NTSR1: variants seen among roughly 807,000 people sequenced by gnomAD.
NTSR1 encodes neurotensin receptor type 1.
A neutral mutation model predicts 31.2 loss-of-function variants in NTSR1; 29 were observed. The ratio of observed to expected loss-of-function variants is 0.93; its 90% CI spans 0.69 to 1.27. The LOEUF (loss-of-function observed/expected upper bound fraction) is 1.27, where lower values mean the gene tolerates loss of function less well. Ranked by LOEUF, NTSR1 falls within the 50% of genes most tolerant of loss-of-function variation. The probability of loss-of-function intolerance (pLI) is 0.00; values close to 1 mark genes in which losing one functional copy is unlikely to be tolerated. For synonymous variants in NTSR1, 282 were observed against 269.9 expected, an observed-to-expected ratio of 1.04 and a Z score of -0.44; for missense variants, 697 against 595.4, an observed-to-expected ratio of 1.17 and a Z score of -1.78.
At chr20:62,720,706 C>A (rs1988815426) in intron 1 of NTSR1, among the ~76,000 whole-genome samples, 1 of 151,052 alleles carries the variant, frequency 6.6e-6, no homozygotes, top group Non-Finnish European at 1.5e-5. Flanking sequence ...CTCTTCTTTT[C>A]CTAGATTTCC....
chr20:62,724,688 TG>T (rs917571751), intron 1 of NTSR1, among the ~76,000 whole-genome samples: 18 of 152,278 alleles, frequency 1.2e-4, no homozygotes, highest in African/African-American at 4.3e-4. Context: ...ACTGGTCTCT[TG>T]GGGCTGCAGA....
At position 62,709,105 on chromosome 20, in the gene NTSR1, C is replaced by A; in HGVS notation, c.-103C>A. On this transcript the variant is annotated 5_prime_UTR_variant, in exon 1 of 4. Coordinates refer to ENST00000370501, the MANE Select transcript of NTSR1 (RefSeq NM_002531.3). ...CCGCTGGTCTTCGCCACGCGCCCTCCCCTGGGCTCCCGTTCATCGGTCCCC... is the reference window on the plus strand; with the variant it reads ...CCGCTGGTCTTCGCCACGCGCCCTCACCTGGGCTCCCGTTCATCGGTCCCC... 1 of 984,276 alleles carries A rather than the reference C, an allele frequency of 1.0e-6. No homozygotes were observed. Among genetic ancestry groups the A allele is most frequent in the South Asian group, 2.3e-5 (1 of 43,538 alleles). 61.0% of individuals were successfully genotyped at this position (984,276 alleles called of 1,614,324 possible). A position where few individuals can be genotyped will look rare whatever the true frequency, so the allele number is the denominator to read the frequency against.
Position 62,762,247 on chromosome 20 carries a change from G to A in NTSR1, c.*1980G>A, listed in dbSNP as rs1989638192. On this transcript the variant is annotated 3_prime_UTR_variant, in exon 4 of 4. Transcript: ENST00000370501. ...TCCTGGACCTTGGGCCATAATTTCTGAGCCTCGGTTTCCCCATCTAAGGAA... is the reference window on the plus strand; with the variant it reads ...TCCTGGACCTTGGGCCATAATTTCTAAGCCTCGGTTTCCCCATCTAAGGAA... 6.6e-6 allele frequency: 1 copy of A among 152,232 alleles called. No homozygotes were observed. The highest frequency in any genetic ancestry group is 1.5e-5 in the Non-Finnish European group (1 of 68,056). 9.4% of individuals were successfully genotyped at this position (152,232 alleles called of 1,614,324 possible).
chr20:62,756,969 A>G (rs1323737148), intron 2 of NTSR1, among the ~76,000 whole-genome samples: 1 of 151,802 alleles, frequency 6.6e-6, no homozygotes, highest in South Asian at 2.1e-4. Flanking sequence ...TAGGAGTTAT[A>G]CTCTCAAGGT....
rs74843526 is a variant in NTSR1 at position 62,741,961 on chromosome 20, C to T, written c.715-12724C>T. 0.025 allele frequency among the ~76,000 whole-genome samples: 3,762 copies of T among 149,400 alleles called. 425 individuals are homozygous for T. Among genetic ancestry groups the T allele is most frequent in the African/African-American group, 0.087 (3,490 of 39,936 alleles). ...AAAAGGAGCCTGACAGGAGCCTCTG[C>T]CTCACAGATGAGACCTGTGTGCCTG... On this transcript the variant is annotated intron_variant, in intron 1 of 3. Transcript: ENST00000370501. This position sits in a 1 kb window ranked among gnomAD's most constrained non-coding sequence, Gnocchi z 4.3.
At chr20:62,759,741 C>G (rs933528474) in intron 3 of NTSR1, among the ~76,000 whole-genome samples, 3 of 146,092 alleles carry the variant, frequency 2.1e-5, no homozygotes, top group South Asian at 2.2e-4. Context: ...CGCCACTGTA[C>G]TCCAGCCTGG....
rs746324764 is a variant in NTSR1, at chr20:62,760,315, T to C, written c.*48T>C. 2.6e-6 allele frequency: 4 copies of C among 1,555,026 alleles called. No individual in the cohort carries two copies. The highest frequency in any genetic ancestry group is 2.4e-5 in the South Asian group (2 of 83,324). ...CAGGAGGAGCCTGGCCATGGGTCCT[T>C]GCCCCCGACAGACAGAGCAGCCCCC... is the stretch of plus-strand genomic sequence containing the variant. On this transcript the variant is annotated 3_prime_UTR_variant, in exon 4 of 4. Coordinates refer to ENST00000370501, the MANE Select transcript of NTSR1 (RefSeq NM_002531.3).
chr20:62,710,317 G>T (rs534869016), intron 1 of NTSR1, among the ~76,000 whole-genome samples: 3 of 152,230 alleles, frequency 2.0e-5, no homozygotes, highest in African/African-American at 7.2e-5. Context: ...CCCCAGACTG[G>T]CTCTGCCGGT....
Position 62,709,491 on chromosome 20 carries a change from A to G in NTSR1, c.284A>G (p.Gln95Arg), listed in dbSNP as rs1988553326. 6.2e-7 allele frequency: 1 copy of G among 1,612,628 alleles called. No individual in the cohort carries two copies. ...AFTLARKKSL[Q>R]SLQSTVHYHL... ...ACGCTGGCGCGGAAGAAGTCGCTGC[A>G]GAGCCTGCAGAGCACGGTGCATTAC... Residue 95 changes from glutamine to arginine, a missense_variant, in exon 1 of 4, where the codon CAG (glutamine) becomes CGG (arginine). Physicochemically the swap from Gln to Arg is conservative, Grantham distance 43. Coordinates refer to ENST00000370501, the MANE Select transcript of NTSR1 (RefSeq NM_002531.3).
At chr20:62,720,662 A>T (rs1988814957) in intron 1 of NTSR1, among the ~76,000 whole-genome samples, 1 of 149,752 alleles carries the variant, frequency 6.7e-6, no homozygotes, top group African/African-American at 2.5e-5. Context: ...TTCTTTCTTC[A>T]TTTCCTTTTT....
In NTSR1 at chr20:62,709,866, G is replaced by A. The variant is rs1020376117; in HGVS notation, c.659G>A (p.Gly220Asp). 14 of 1,607,242 alleles carry A rather than the reference G, an allele frequency of 8.7e-6. No individual in the cohort carries two copies. Among genetic ancestry groups the A allele is most frequent in the Non-Finnish European group, 1.0e-5 (12 of 1,175,912 alleles). ...QNRSADGQHA[G>D]GLVCTPTIHT... ...CGCAGCGCCGACGGCCAGCACGCCGGCGGCCTGGTGTGCACCCCCACCATC... is the reference window on the plus strand; with the variant it reads ...CGCAGCGCCGACGGCCAGCACGCCGACGGCCTGGTGTGCACCCCCACCATC... The change falls in exon 1 of 4, where the codon GGC (glycine) becomes GAC (aspartate). Residue 220 changes from glycine (G) to aspartate (D), a missense_variant. Coordinates refer to ENST00000370501, the MANE Select transcript of NTSR1 (RefSeq NM_002531.3).
chr20:62,751,222 G>A lies in NTSR1; in HGVS notation c.715-3463G>A, dbSNP rs182550697. Among the ~76,000 whole-genome samples, 98 of 152,174 alleles carry A rather than the reference G, an allele frequency of 6.4e-4. 1 individual carries two copies. The highest frequency in any genetic ancestry group is 5.5e-3 in the Admixed American group (84 of 15,278). ...GTCAATTATCCCTCAATAAAGCTGG[G>A]GGAAAAGGTTAAAAATATATACATT... is the stretch of plus-strand genomic sequence containing the variant. On this transcript the variant is annotated intron_variant, in intron 1 of 3. Transcript: ENST00000370501.
In NTSR1 at chr20:62,744,045, T is replaced by G. The variant is rs1989251401; in HGVS notation, c.715-10640T>G. ...TCATTATCTAACCTTTCACTCCACCTCCGTCCTCCCCATCAAAATTACACA... is the reference window on the plus strand; with the variant it reads ...TCATTATCTAACCTTTCACTCCACCGCCGTCCTCCCCATCAAAATTACACA... On this transcript the variant is annotated intron_variant, in intron 1 of 3. Coordinates refer to ENST00000370501, the MANE Select transcript of NTSR1 (RefSeq NM_002531.3). The surrounding 1 kb of genome is among the most constrained non-coding windows in gnomAD (Gnocchi z 4.1). Among the ~76,000 whole-genome samples the G allele has an allele frequency of 6.6e-6, 1 of 152,010 alleles. No homozygotes were observed. Among genetic ancestry groups the G allele is most frequent in the Non-Finnish European group, 1.5e-5 (1 of 67,994 alleles).
intron 1 of NTSR1, among the ~76,000 whole-genome samples, chr20:62,724,993 T>A (rs1465724956): frequency 6.6e-6 from 1 of 152,214 alleles, no homozygotes; most frequent in Admixed American, 6.5e-5. Context: ...CACACTCTTT[T>A]CCCAAATAAG....
intron 1 of NTSR1, among the ~76,000 whole-genome samples, chr20:62,721,649 G>T (rs1028614926): frequency 2.6e-5 from 4 of 152,296 alleles, no homozygotes; most frequent in Admixed American, 1.3e-4. Flanking sequence ...AACTATAATT[G>T]TTTAGGTGTG....
chr20:62,758,446 C>T lies in NTSR1; in HGVS notation c.1007+90C>T, dbSNP rs1165744034. The T allele has an allele frequency of 2.6e-5, 31 of 1,204,122 alleles. No individual in the cohort carries two copies. The highest frequency in any genetic ancestry group is 3.3e-5 in the Non-Finnish European group (27 of 828,362). 74.6% of individuals were successfully genotyped at this position (1,204,122 alleles called of 1,614,324 possible). A position where few individuals can be genotyped will look rare whatever the true frequency, so the allele number is the denominator to read the frequency against. ...TGTGGCAGGCACTGCTGAGGGGATC[C>T]ACTCAGGGCAGGGGTGTGGTGAGTC... On this transcript the variant is annotated intron_variant, in intron 3 of 3. Transcript: ENST00000370501. This position sits in a 1 kb window ranked among gnomAD's most constrained non-coding sequence, Gnocchi z 4.5.
chr20:62,718,280 G>T (rs1988769672), intron 1 of NTSR1, among the ~76,000 whole-genome samples: 1 of 152,140 alleles, frequency 6.6e-6, no homozygotes, highest in Non-Finnish European at 1.5e-5. Context: ...ATGCATTTAG[G>T]GGTCAGAATG....
intron 1 of NTSR1, among the ~76,000 whole-genome samples, chr20:62,749,318 G>A (rs143570734): frequency 0.021 from 3,165 of 152,254 alleles, 115 homozygotes; most frequent in African/African-American, 0.071. Flanking sequence ...GCGGGCGCCT[G>A]TAGTCCCAGC....
rs1989607934 is a variant in NTSR1, at chr20:62,760,772, A to AGACCCTGCCG, written c.*505_*506insGACCCTGCCG. 6.5e-6 allele frequency: 1 copy of AGACCCTGCCG among 153,576 alleles called. No individual in the cohort carries two copies. Among genetic ancestry groups the AGACCCTGCCG allele is most frequent in the African/African-American group, 2.4e-5 (1 of 41,290 alleles). The allele number at this position is 153,576 out of a possible 1,614,324, so 9.5% of individuals were successfully genotyped here. A position where few individuals can be genotyped will look rare whatever the true frequency, so the allele number is the denominator to read the frequency against. ...TTGGGCCTCACGTGCAGACCCTGCC[A>AGACCCTGCCG]TGCAGACCCATGCCCCCCTCCCCCA... is the stretch of plus-strand genomic sequence containing the variant. On this transcript the variant is annotated 3_prime_UTR_variant, in exon 4 of 4. Coordinates refer to ENST00000370501, the MANE Select transcript of NTSR1 (RefSeq NM_002531.3).
Sources: gnomAD v4.1 joint callset for allele counts (sites outside exome capture counted in the v4.1 genomes callset) on GRCh38, gnomAD v4.1.1 for gene constraint, Gnocchi (gnomAD v3.1) non-coding constraint, MANE v1.5 for transcripts, NCBI Gene and HGNC (gene_info 2026-07-23, HGNC 2026-07-21) for gene names.